SMYD3: variants seen among roughly 807,000 people sequenced by gnomAD.
The protein encoded by SMYD3 is histone-lysine N-methyltransferase SMYD3.
SMYD3 carries 36 observed loss-of-function variants against 57.7 expected under a neutral mutation model. The observed-to-expected ratio is 0.62, with a 90% CI of 0.48 to 0.82. The LOEUF is 0.82. SMYD3 is among the 40% of genes least tolerant of loss of function. The pLI is 0.00. For missense variants in SMYD3, 515 were observed against 538.8 expected (o/e 0.96, Z 0.44); for synonymous variants, 211 against 195.0 (o/e 1.08, Z -0.68).
intron 5 of SMYD3, among the ~76,000 whole-genome samples, chr1:245,963,149 A>G (rs1447783040): frequency 6.6e-6 from 1 of 152,184 alleles, no homozygotes; most frequent in Admixed American, 6.5e-5. Flanking sequence ...TAAAAAATCA[A>G]CCATTCTTCT....
At position 246,370,908 on chromosome 1, in the gene SMYD3, G is replaced by T. The variant is rs532680437; in HGVS notation, c.165-15814C>A. On this transcript the variant is annotated intron_variant, in intron 1 of 11. Coordinates refer to ENST00000490107, the MANE Select transcript of SMYD3 (RefSeq NM_001167740.2). Reference sequence around the variant, plus strand: ...TTTGATACCTCAATCTACATTCACTGAAGTCATAAGTTTTAATGTGATCAG... The same window carrying T: ...TTTGATACCTCAATCTACATTCACTTAAGTCATAAGTTTTAATGTGATCAG... Among the ~76,000 whole-genome samples the T allele has an allele frequency of 7.9e-5, 12 of 152,282 alleles. No individual in the cohort carries two copies. In the South Asian group the frequency reaches 1.5e-3, roughly 18 times the overall value.
At chr1:246,375,638 C>T (rs1354251053) in intron 1 of SMYD3, among the ~76,000 whole-genome samples, 5 of 152,120 alleles carry the variant, frequency 3.3e-5, no homozygotes, top group African/African-American at 4.8e-5. Context: ...TAGAGCAGCA[C>T]GTGTTAATAC....
At chr1:246,157,652 T>C (rs570506654) in intron 5 of SMYD3, among the ~76,000 whole-genome samples, 12 of 151,072 alleles carry the variant, frequency 7.9e-5, no homozygotes, top group South Asian at 4.2e-4. Context: ...TTGTCTTTTT[T>C]CCCCCCCATA....
chr1:246,265,264 C>T (rs2064083221), intron 5 of SMYD3, among the ~76,000 whole-genome samples: 1 of 152,028 alleles, frequency 6.6e-6, no homozygotes, highest in Admixed American at 6.6e-5. Flanking sequence ...TCCCAAGTAG[C>T]TAGGATGTGG....
At chr1:246,227,297 C>T (rs1259677655) in intron 5 of SMYD3, among the ~76,000 whole-genome samples, 1 of 152,154 alleles carries the variant, frequency 6.6e-6, no homozygotes, top group Non-Finnish European at 1.5e-5. Flanking sequence ...AGCTCATGCA[C>T]TGGGGCGCCC....
intron 5 of SMYD3, among the ~76,000 whole-genome samples, chr1:246,029,613 A>G (rs1309838861): frequency 6.7e-6 from 1 of 150,198 alleles, no homozygotes; most frequent in Non-Finnish European, 1.5e-5. Context: ...CAGAGGTTGC[A>G]GTGAGCCAAG....
At chr1:246,462,083 G>A (rs1024412308) in intron 1 of SMYD3, among the ~76,000 whole-genome samples, 1 of 152,194 alleles carries the variant, frequency 6.6e-6, no homozygotes, top group Admixed American at 6.5e-5. Flanking sequence ...AAGGATAGGA[G>A]GCATCCAGGT....
At chr1:246,121,345 T>C (rs574602590) in intron 5 of SMYD3, among the ~76,000 whole-genome samples, 4 of 151,940 alleles carry the variant, frequency 2.6e-5, no homozygotes, top group African/African-American at 9.7e-5. Context: ...TCCTCTCTCA[T>C]GTTTCTTGTT....
At chr1:245,831,352 C>G (rs1237914375) in intron 10 of SMYD3, among the ~76,000 whole-genome samples, 2 of 152,194 alleles carry the variant, frequency 1.3e-5, no homozygotes, top group Admixed American at 1.3e-4. Context: ...TGGGAAGGAG[C>G]TAGCATTTGG....
chr1:245,932,652 G>A (rs188534365), intron 5 of SMYD3, among the ~76,000 whole-genome samples: 50 of 152,186 alleles, frequency 3.3e-4, no homozygotes, highest in Non-Finnish European at 6.0e-4. Context: ...CTCGAACTCC[G>A]GAGCTCAAGT....
intron 5 of SMYD3, among the ~76,000 whole-genome samples, chr1:245,982,652 A>G (rs2058622396): frequency 6.6e-6 from 1 of 152,212 alleles, no homozygotes; most frequent in African/African-American, 2.4e-5. Context: ...TTTAATTCAT[A>G]TTCCCAATAA....
chr1:246,100,827 C>T (rs916690475), intron 5 of SMYD3, among the ~76,000 whole-genome samples: 10 of 152,090 alleles, frequency 6.6e-5, no homozygotes, highest in African/African-American at 2.2e-4. Context: ...ACTCTATTCT[C>T]TATGCAACTT....
chr1:246,327,146 A>T, intron 5 of SMYD3, 55 bp downstream of exon 5: 1 of 1,606,924 alleles, frequency 6.2e-7, no homozygotes, highest in South Asian at 1.1e-5. Context: ...TAACAACAAA[A>T]TAAGGAGCAA....
At chr1:245,841,704 C>T (rs1312556184) in intron 10 of SMYD3, among the ~76,000 whole-genome samples, 1 of 151,980 alleles carries the variant, frequency 6.6e-6, no homozygotes, top group Non-Finnish European at 1.5e-5. Flanking sequence ...ATATGAAATG[C>T]CAAAACTTCA....
chr1:246,190,486 G>C (rs909715921), intron 5 of SMYD3, among the ~76,000 whole-genome samples: 13 of 150,090 alleles, frequency 8.7e-5, no homozygotes, highest in African/African-American at 3.2e-4. Flanking sequence ...TCGGGAGGCT[G>C]AGGCAGGAGA....
In SMYD3 at chr1:246,385,727, G is replaced by A. The variant is rs115954222; in HGVS notation, c.165-30633C>T. 5.9e-3 allele frequency among the ~76,000 whole-genome samples: 882 copies of A among 148,688 alleles called. 7 individuals are homozygous for A. The highest frequency in any genetic ancestry group is 0.011 in the Non-Finnish European group (714 of 66,676). Reference sequence around the variant, plus strand: ...ATCAAAAGCGGGAACTGTGTAGAGCGGTGCTTTTCAAACAAATCACTTTTT... The same window carrying A: ...ATCAAAAGCGGGAACTGTGTAGAGCAGTGCTTTTCAAACAAATCACTTTTT... On this transcript the variant is annotated intron_variant, in intron 1 of 11. Transcript: ENST00000490107.
At chr1:245,840,950 G>A (rs895711590) in intron 10 of SMYD3, among the ~76,000 whole-genome samples, 2 of 152,160 alleles carry the variant, frequency 1.3e-5, no homozygotes, top group Non-Finnish European at 2.9e-5. Flanking sequence ...TTGGGTAGCT[G>A]CGCACTTCCA....
rs74227149 is a variant in SMYD3, at chr1:246,287,349, C to T, written c.531+39852G>A. ...AAGATTTCCTTTTACAGTTTCATTA[C>T]AAATTTAAAAAGCTTTTGTAGTAAA... On this transcript the variant is annotated intron_variant, in intron 5 of 11. Transcript: ENST00000490107. Among the ~76,000 whole-genome samples, 929 of 152,202 alleles carry T rather than the reference C, an allele frequency of 6.1e-3. 64 individuals are homozygous for T. In the East Asian group the frequency reaches 0.15, roughly 25 times the overall value.
At chr1:246,332,364 C>T (rs180927704) in intron 3 of SMYD3, among the ~76,000 whole-genome samples, 47 of 152,330 alleles carry the variant, frequency 3.1e-4, no homozygotes, top group African/African-American at 7.9e-4. Flanking sequence ...ACAATATTCC[C>T]TTGAGCCAAA....
Sources: gnomAD v4.1 joint callset for allele counts (sites outside exome capture counted in the v4.1 genomes callset) on GRCh38, gnomAD v4.1.1 for gene constraint, MANE v1.5 for transcripts, NCBI Gene and HGNC (gene_info 2026-07-23, HGNC 2026-07-21) for gene names.